The following PTPRJ variants were observed in gnomAD, a reference collection of about 807,000 sequenced individuals.
PTPRJ encodes protein tyrosine phosphatase receptor type J, also known as receptor-type tyrosine-protein phosphatase eta.
PTPRJ carries 129 observed loss-of-function variants against 141.3 expected under a neutral mutation model. That is an observed-to-expected ratio of 0.91 (90% CI 0.79 to 1.06). The LOEUF is 1.06. Ranked by LOEUF, PTPRJ falls within the 50% of genes least tolerant of loss-of-function variation. PTPRJ has a pLI of 0.00. For synonymous variants in PTPRJ, 610 were observed against 640.5 expected, an observed-to-expected ratio of 0.95 and a Z score of 0.72; for missense variants, 1,601 against 1,679.7, an observed-to-expected ratio of 0.95 and a Z score of 0.82.
intron 9 of PTPRJ, 115 bp downstream of exon 9, chr11:48,136,411 C>A (rs1307640464): frequency 2.3e-6 from 3 of 1,306,628 alleles, no homozygotes; most frequent in Non-Finnish European, 3.2e-6. Context: ...TCTGAAACTG[C>A]TGAAGTTGAA....
intron 1 of PTPRJ, among the ~76,000 whole-genome samples, chr11:48,076,365 ATGGGAGATGACAC>A (rs1855403167): frequency 6.6e-6 from 1 of 152,166 alleles, no homozygotes; most frequent in South Asian, 2.1e-4. Flanking sequence ...TTATAATCTT[ATGGGAGATGACAC>A]TGTCTTTTCT....
intron 1 of PTPRJ, among the ~76,000 whole-genome samples, chr11:48,048,769 G>A (rs984378490): frequency 4.6e-5 from 7 of 152,154 alleles, no homozygotes; most frequent in African/African-American, 1.7e-4. Context: ...ACTCCAGCCT[G>A]GGTGACAGAG....
chr11:48,110,514 A>G (rs748961129), intron 2 of PTPRJ, among the ~76,000 whole-genome samples: 2 of 152,230 alleles, frequency 1.3e-5, no homozygotes. Flanking sequence ...TTTTCTTTAG[A>G]AGTAGGAGTG....
chr11:48,097,727 G>A (rs1044271620), intron 1 of PTPRJ, among the ~76,000 whole-genome samples: 53 of 152,046 alleles, frequency 3.5e-4, no homozygotes, highest in South Asian at 4.1e-4. Flanking sequence ...TAGTAGAGAC[G>A]GGGTTTCACC....
rs190112258 is a variant in PTPRJ, at chr11:48,089,358, A to G, written c.97-20700A>G. Among the ~76,000 whole-genome samples, 360 of 152,222 alleles carry G rather than the reference A, an allele frequency of 2.4e-3. 1 individual carries two copies. The highest frequency in any genetic ancestry group is 8.3e-3 in the African/African-American group (343 of 41,536). On this transcript the variant is annotated intron_variant, in intron 1 of 24. Coordinates refer to ENST00000418331, the MANE Select transcript of PTPRJ (RefSeq NM_002843.4). ...ATGGTGAAGCCCATCTCAACTAAAA[A>G]TACGAAAACTATCCAGGCATAATGG...
At chr11:48,033,060 A>C (rs1232605124) in intron 1 of PTPRJ, among the ~76,000 whole-genome samples, 2 of 152,132 alleles carry the variant, frequency 1.3e-5, no homozygotes, top group Non-Finnish European at 2.9e-5. Context: ...TCTATTAAAA[A>C]AAAAAAAACA....
At position 48,158,150 on chromosome 11, in the gene PTPRJ, TCAAAA is replaced by T. The variant is rs1014642740; in HGVS notation, c.3439-1764_3439-1760del. ...CTAGGCAACAGAGCAAGACTCTGTC[TCAAAA>T]CAAAACAAAACAAAAAAAGAAGAAT... On this transcript the variant is annotated intron_variant, in intron 21 of 24. Transcript: ENST00000418331. This position sits in a 1 kb window ranked among gnomAD's most constrained non-coding sequence, Gnocchi z 4.4. Among the ~76,000 whole-genome samples, 1 of 152,148 alleles carries T rather than the reference TCAAAA, an allele frequency of 6.6e-6. No homozygotes were observed. The highest frequency in any genetic ancestry group is 2.4e-5 in the African/African-American group (1 of 41,426).
chr11:48,129,780 G>A (rs1273690977), intron 7 of PTPRJ, among the ~76,000 whole-genome samples: 1 of 152,240 alleles, frequency 6.6e-6, no homozygotes, highest in African/African-American at 2.4e-5. Context: ...TGCAGCCACC[G>A]CTGAGGTTTT....
intron 18 of PTPRJ, 115 bp downstream of exon 18, chr11:48,150,298 G>A: frequency 1.3e-6 from 1 of 789,596 alleles, no homozygotes; most frequent in Non-Finnish European, 2.1e-6. Context: ...GGGACTGTAG[G>A]CAGTTGGGAC....
chr11:48,147,981 G>A (rs1476269964), intron 15 of PTPRJ, among the ~76,000 whole-genome samples: 1 of 152,100 alleles, frequency 6.6e-6, no homozygotes, highest in Admixed American at 6.5e-5. Context: ...GAGTAGCTGG[G>A]ATTACAGGCA....
In PTPRJ at chr11:48,144,871, T is replaced by C. The variant is rs756226922; in HGVS notation, c.2772T>C (p.Pro924=). ...TLGYYNGKLE[P]LGSYRACVAG... is the part of the protein sequence containing the mutation. ...GTTATTACAATGGGAAGCTGGAACCTCTGGGCTCCTACCGGTAATGTCTTC... is the reference window on the plus strand; with the variant it reads ...GTTATTACAATGGGAAGCTGGAACCCCTGGGCTCCTACCGGTAATGTCTTC... The change falls in exon 13 of 25, where the codon CCT becomes CCC. Residue 924 remains proline (P), a synonymous_variant. Transcript: ENST00000418331. 1.2e-6 allele frequency: 2 copies of C among 1,614,074 alleles called. No homozygotes were observed. Among genetic ancestry groups the C allele is most frequent in the African/African-American group, 2.7e-5 (2 of 74,940 alleles).
intron 1 of PTPRJ, among the ~76,000 whole-genome samples, chr11:47,985,285 C>T (rs1481863466): frequency 2.6e-5 from 4 of 151,868 alleles, no homozygotes; most frequent in Non-Finnish European, 4.4e-5. Context: ...GTATCTGGGA[C>T]TAAAGGCGTG....
At chr11:48,111,043 G>A (rs1486326350) in intron 2 of PTPRJ, among the ~76,000 whole-genome samples, 10 of 152,280 alleles carry the variant, frequency 6.6e-5, no homozygotes, top group Admixed American at 5.2e-4. Context: ...TTGGGAGGCT[G>A]AGGCAGGTGG....
At chr11:48,139,109 G>A (rs1857171770) in intron 10 of PTPRJ, among the ~76,000 whole-genome samples, 1 of 152,136 alleles carries the variant, frequency 6.6e-6, no homozygotes, top group Admixed American at 6.5e-5. Flanking sequence ...CTCCAGCCTG[G>A]TCGACAGAGC....
chr11:48,007,901 G>T (rs1297585145), intron 1 of PTPRJ, among the ~76,000 whole-genome samples: 1 of 152,230 alleles, frequency 6.6e-6, no homozygotes, highest in Non-Finnish European at 1.5e-5. Flanking sequence ...GCAGAGAGGG[G>T]AAGTGACTTG....
At chr11:48,126,156 C>A (rs778568716) in intron 6 of PTPRJ, among the ~76,000 whole-genome samples, 1 of 152,176 alleles carries the variant, frequency 6.6e-6, no homozygotes, top group Non-Finnish European at 1.5e-5. Flanking sequence ...TCAAGCCATG[C>A]ACCCAGGGCT....
chr11:48,137,431 G>A, intron 10 of PTPRJ, 150 bp downstream of exon 10: 1 of 782,584 alleles, frequency 1.3e-6, no homozygotes, highest in South Asian at 1.8e-5. Flanking sequence ...GCTTATCGGT[G>A]CTGTCTCGAT....
In PTPRJ at chr11:48,145,040, C is replaced by T. The variant is rs762964039; in HGVS notation, c.2827C>T (p.Gln943Ter). Residue 943 changes from glutamine (Q) to a stop codon, truncating the protein, a stop_gained, in exon 14 of 25, where the codon CAA becomes TAA. Coordinates refer to ENST00000418331, the MANE Select transcript of PTPRJ (RefSeq NM_002843.4). LOFTEE classifies it high-confidence loss of function. ...CTTCACCAACATTACCTTCCACCCTCAAAACAAGGGGCTCATTGATGGGGC... is the reference window on the plus strand; with the variant it reads ...CTTCACCAACATTACCTTCCACCCTTAAAACAAGGGGCTCATTGATGGGGC... ...AGFTNITFHPQNKGLIDGAES... is the reference protein window; with the variant it reads ...AGFTNITFHP 1.2e-6 allele frequency: 2 copies of T among 1,614,148 alleles called. No individual in the cohort carries two copies. Among genetic ancestry groups the T allele is most frequent in the South Asian group, 1.1e-5 (1 of 91,062 alleles).
intron 1 of PTPRJ, among the ~76,000 whole-genome samples, chr11:48,032,391 C>T (rs1854006988): frequency 6.6e-6 from 1 of 152,222 alleles, no homozygotes; most frequent in South Asian, 2.1e-4. Context: ...TTCTTAAGAA[C>T]TTTCAAGTTA....
Sources: allele counts gnomAD v4.1 joint callset (sites outside exome capture counted in the v4.1 genomes callset), GRCh38; gene constraint gnomAD v4.1.1; non-coding constraint Gnocchi (gnomAD v3.1); transcripts MANE v1.5; gene names NCBI Gene and HGNC (gene_info 2026-07-23, HGNC 2026-07-21).